The following BTBD10 variants were observed in gnomAD, a reference collection of about 807,000 sequenced individuals.
BTBD10 encodes the protein BTB/POZ domain-containing protein 10.
In BTBD10, 21 loss-of-function variants were observed where a neutral mutation model predicts 53.2. The ratio of observed to expected loss-of-function variants is 0.39; its 90% CI spans 0.28 to 0.57. The LOEUF (loss-of-function observed/expected upper bound fraction) is 0.57, where lower values mean the gene tolerates loss of function less well. BTBD10 is among the 20% of genes least tolerant of loss of function. The probability of loss-of-function intolerance (pLI) is 0.53; values close to 1 mark genes in which losing one functional copy is unlikely to be tolerated. For synonymous variants in BTBD10, 149 were observed against 192.7 expected (o/e 0.77, Z 1.88); for missense variants, 360 against 594.7 (o/e 0.61, Z 4.10).
intron 2 of BTBD10, among the ~76,000 whole-genome samples, chr11:13,443,715 CT>C (rs1296957828): frequency 2.6e-5 from 4 of 151,970 alleles, no homozygotes; most frequent in African/African-American, 9.7e-5. Flanking sequence ...TCCCAAGCAG[CT>C]GGAATTACAG....
intron 3 of BTBD10, 146 bp downstream of exon 3, chr11:13,421,496 A>C: frequency 1.6e-6 from 1 of 620,568 alleles, no homozygotes; most frequent in East Asian, 3.2e-5. Flanking sequence ...CACACCAAGA[A>C]CCAAGCTCAA....
chr11:13,398,633 A>C (rs571007968), intron 8 of BTBD10, among the ~76,000 whole-genome samples: 46 of 152,322 alleles, frequency 3.0e-4, no homozygotes, highest in African/African-American at 9.4e-4. Context: ...GTTTCTTCCT[A>C]GCCTTGATGG....
intron 2 of BTBD10, among the ~76,000 whole-genome samples, chr11:13,435,177 A>ATTTTTTTTTTTTTTTTTTT (rs1565260389): frequency 1.3e-5 from 2 of 152,112 alleles, no homozygotes; most frequent in African/African-American, 4.8e-5. Context: ...TAGCATGAAA[A>ATTTTTTTTTTTTTTTTTTT]ATTTTTTAAA....
chr11:13,426,481 A>G (rs1950341376), intron 2 of BTBD10, among the ~76,000 whole-genome samples: 3 of 152,118 alleles, frequency 2.0e-5, no homozygotes, highest in Admixed American at 2.0e-4. Flanking sequence ...TTTTTTTCTA[A>G]TTGTTTAAAT....
At chr11:13,452,229 T>C (rs922801522) in intron 1 of BTBD10, among the ~76,000 whole-genome samples, 2 of 152,204 alleles carry the variant, frequency 1.3e-5, no homozygotes, top group African/African-American at 4.8e-5. Context: ...ACATACCATA[T>C]GATTTCATAT....
At chr11:13,441,362 C>T (rs748187988) in intron 2 of BTBD10, among the ~76,000 whole-genome samples, 7 of 151,974 alleles carry the variant, frequency 4.6e-5, no homozygotes, top group East Asian at 1.9e-4. Context: ...TACTCTGATA[C>T]GATCACTATA....
At position 13,430,457 on chromosome 11, in the gene BTBD10, C is replaced by T. The variant is rs113697522; in HGVS notation, c.102-8619G>A. On this transcript the variant is annotated intron_variant, in intron 2 of 8. Coordinates refer to ENST00000278174, the MANE Select transcript of BTBD10 (RefSeq NM_032320.7). ...GGTACAACCATTTTAGAAACTGTTT[C>T]GGAGAAGAGATTGTTTCTTAAGAAA... Among the ~76,000 whole-genome samples the T allele has an allele frequency of 6.8e-3, 1,042 of 152,130 alleles. 17 individuals are homozygous for T. Among genetic ancestry groups the T allele is most frequent in the African/African-American group, 0.024 (994 of 41,492 alleles).
intron 2 of BTBD10, among the ~76,000 whole-genome samples, chr11:13,428,682 T>C (rs1481774606): frequency 6.6e-6 from 1 of 152,016 alleles, no homozygotes; most frequent in Admixed American, 6.6e-5. Flanking sequence ...AAAAAAAGAA[T>C]AGTAATCAAA....
At chr11:13,394,025 A>T (rs976525474) in intron 8 of BTBD10, among the ~76,000 whole-genome samples, 1 of 152,256 alleles carries the variant, frequency 6.6e-6, no homozygotes, top group African/African-American at 2.4e-5. Flanking sequence ...AAATGAGAAA[A>T]TTATCATTTT....
intron 2 of BTBD10, among the ~76,000 whole-genome samples, chr11:13,423,078 C>A (rs111518518): frequency 1.3e-3 from 203 of 152,208 alleles, no homozygotes; most frequent in African/African-American, 4.5e-3. Context: ...TATAGAGTAG[C>A]CACTAGTGTA....
At chr11:13,439,685 C>T (rs532808599) in intron 2 of BTBD10, among the ~76,000 whole-genome samples, 5 of 152,116 alleles carry the variant, frequency 3.3e-5, no homozygotes, top group African/African-American at 9.6e-5. Context: ...ATCAAACCCA[C>T]GAAAACAATA....
At chr11:13,415,674 T>C (rs2135809005) in intron 5 of BTBD10, among the ~76,000 whole-genome samples, 1 of 152,284 alleles carries the variant, frequency 6.6e-6, no homozygotes, top group Admixed American at 6.5e-5. Context: ...TATAGAATGT[T>C]ACGTAGTTTG....
chr11:13,439,833 A>G, intron 2 of BTBD10: 1 of 1,388,814 alleles, frequency 7.2e-7, no homozygotes, highest in Non-Finnish European at 9.6e-7. Flanking sequence ...TCAAATTCAT[A>G]TATGTAAATA....
intron 2 of BTBD10, chr11:13,439,833 AT>A (rs1950613677): frequency 7.2e-7 from 1 of 1,388,814 alleles, no homozygotes; most frequent in South Asian, 1.4e-5. Context: ...TCAAATTCAT[AT>A]ATGTAAATAA....
At chr11:13,458,865 T>C (rs1448997124) in intron 1 of BTBD10, among the ~76,000 whole-genome samples, 3 of 151,950 alleles carry the variant, frequency 2.0e-5, no homozygotes, top group Non-Finnish European at 4.4e-5. Flanking sequence ...GTGAGAAAAA[T>C]CAAATTCAAG....
At chr11:13,461,352 G>A (rs1951091643) in intron 1 of BTBD10, among the ~76,000 whole-genome samples, 1 of 152,094 alleles carries the variant, frequency 6.6e-6, no homozygotes, top group South Asian at 2.1e-4. Context: ...GCTGAAGATG[G>A]GGTCCATATT....
intron 2 of BTBD10, among the ~76,000 whole-genome samples, chr11:13,443,261 A>C (rs78917736): frequency 6.6e-6 from 1 of 151,910 alleles, no homozygotes; most frequent in African/African-American, 2.4e-5. Context: ...AAAAAAAAAA[A>C]GAATAAAAAC....
At chr11:13,439,951 G>A in intron 2 of BTBD10, 1 of 1,534,816 alleles carries the variant, frequency 6.5e-7, no homozygotes, top group Non-Finnish European at 8.7e-7. Context: ...AGAGTATAAA[G>A]GGACTCTGCT....
At chr11:13,432,082 T>C (rs1215544963) in intron 2 of BTBD10, among the ~76,000 whole-genome samples, 1 of 152,114 alleles carries the variant, frequency 6.6e-6, no homozygotes, top group Non-Finnish European at 1.5e-5. Context: ...CAAAAGCATT[T>C]CGCTGAATGA....
Sources: allele counts gnomAD v4.1 joint callset (sites outside exome capture counted in the v4.1 genomes callset), GRCh38; gene constraint gnomAD v4.1.1; transcripts MANE v1.5; gene names NCBI Gene and HGNC (gene_info 2026-07-23, HGNC 2026-07-21).